Variants in CLU observed in about 807,000 individuals in gnomAD.
CLU encodes the protein clusterin.
Under a neutral mutation model 46.4 loss-of-function variants are expected in CLU, and 25 were observed. The observed-to-expected ratio is 0.54, with a 90% CI of 0.39 to 0.75. The LOEUF (loss-of-function observed/expected upper bound fraction) is 0.75. Ranked by LOEUF, CLU falls within the 30% of genes least tolerant of loss-of-function variation. CLU has a pLI of 0.00. For synonymous variants in CLU, 235 were observed against 235.1 expected (o/e 1.00, Z 0.00); for missense variants, 504 against 592.1 (o/e 0.85, Z 1.54).
chr8:27,613,384 T>C (rs1232029434), intron 1 of CLU, among the ~76,000 whole-genome samples: 2 of 90,096 alleles, frequency 2.2e-5, no homozygotes, highest in African/African-American at 1.4e-4. Context: ...AGACTTGGTC[T>C]CAGGAAAAAA....
chr8:27,598,409 C>G, intron 8 of CLU, 51 bp downstream of exon 8: 1 of 1,612,060 alleles, frequency 6.2e-7, no homozygotes, highest in Non-Finnish European at 8.5e-7. Context: ...TTTGTGGCTC[C>G]CAGAGACTCA....
At chr8:27,598,785 C>T (rs1800663637) in intron 7 of CLU, 150 bp from the exon 8 acceptor site, 3 of 734,320 alleles carry the variant, frequency 4.1e-6, no homozygotes, top group South Asian at 1.6e-5. Context: ...TACATCTAGA[C>T]GTAAGTACAG....
intron 1 of CLU, among the ~76,000 whole-genome samples, chr8:27,612,339 A>G (rs751604675): frequency 2.6e-5 from 4 of 152,162 alleles, no homozygotes; most frequent in East Asian, 1.9e-4. Context: ...CAGTTTCTTC[A>G]TCTGTAAAAT....
In CLU at chr8:27,614,655, C is replaced by A; in HGVS notation, c.-30G>T. ...GGTAGGGAAGACGGGGACATCTCAC[C>A]GGTCAGCGGCACCCTGTGCCCGCGC... On this transcript the variant is annotated splice_region_variant and 5_prime_UTR_variant, in exon 1 of 9. Coordinates refer to ENST00000316403, the MANE Select transcript of CLU (RefSeq NM_001831.4). The A allele has an allele frequency of 1.9e-6, 1 of 528,528 alleles. No homozygotes were observed. Among genetic ancestry groups the A allele is most frequent in the South Asian group, 1.4e-5 (1 of 71,324 alleles). 32.7% of individuals were successfully genotyped at this position (528,528 alleles called of 1,614,324 possible). A position where few individuals can be genotyped will look rare whatever the true frequency, so the allele number is the denominator to read the frequency against.
At position 27,599,974 on chromosome 8, in the gene CLU, G is replaced by T. The variant is rs148094370; in HGVS notation, c.970C>A (p.Arg324=). The T allele has an allele frequency of 6.2e-7, 1 of 1,614,178 alleles. No homozygotes were observed. The highest frequency in any genetic ancestry group is 8.5e-7 in the Non-Finnish European group (1 of 1,180,004). The stretch of plus-strand genomic sequence containing the variant: ...TGGAGGGATTCGTCGAGCTCCCGCC[G>T]CAGCTTAGCCTGGGAGGGGTTGTTG... ...STNNPSQAKL[R]RELDESLQVA... The change falls in exon 7 of 9, where the codon CGG becomes AGG. Residue 324 remains arginine (R), a synonymous_variant. Coordinates refer to ENST00000316403, the MANE Select transcript of CLU (RefSeq NM_001831.4). The surrounding 1 kb of genome is among the most constrained non-coding windows in gnomAD (Gnocchi z 4.0).
Position 27,610,053 on chromosome 8 carries a change from G to A in CLU, c.97+422C>T, listed in dbSNP as rs1324185775. 2.0e-5 allele frequency among the ~76,000 whole-genome samples: 3 copies of A among 152,238 alleles called. No individual in the cohort carries two copies. In the East Asian group the frequency reaches 5.8e-4, roughly 29 times the overall value. On this transcript the variant is annotated intron_variant, in intron 2 of 8. Transcript: ENST00000316403. Reference sequence around the variant, plus strand: ...AGAGGTGAAACAGACTCACACCCATGTCTGATCTGGGTTTTTAACAATGAT... The same window carrying A: ...AGAGGTGAAACAGACTCACACCCATATCTGATCTGGGTTTTTAACAATGAT...
At position 27,606,340 on chromosome 8, in the gene CLU, T is replaced by G; in HGVS notation, c.417+14A>C. ...CCACTCAGAGCCTTGGCCACTCATG[T>G]GTCCCCTTTTCACCTGGCGGCCAAC... On this transcript the variant is annotated intron_variant, in intron 4 of 8. Coordinates refer to ENST00000316403, the MANE Select transcript of CLU (RefSeq NM_001831.4). The G allele has an allele frequency of 6.2e-7, 1 of 1,613,666 alleles. No homozygotes were observed. The highest frequency in any genetic ancestry group is 8.5e-7 in the Non-Finnish European group (1 of 1,179,958).
At chr8:27,603,299 G>A (rs1056233549) in intron 6 of CLU, among the ~76,000 whole-genome samples, 1 of 152,208 alleles carries the variant, frequency 6.6e-6, no homozygotes, top group Non-Finnish European at 1.5e-5. Context: ...CTCATCTACA[G>A]CAACTTATAC....
intron 1 of CLU, chr8:27,614,409 C>T (rs2128911038): frequency 3.5e-6 from 1 of 289,324 alleles, no homozygotes; most frequent in South Asian, 2.9e-5. Flanking sequence ...TTCTATTTAC[C>T]CCCCCACCAC....
intron 6 of CLU, 161 bp downstream of exon 6, chr8:27,604,130 A>G (rs745786940): frequency 4.5e-6 from 3 of 660,992 alleles, no homozygotes; most frequent in South Asian, 1.6e-5. Context: ...CCGAAGCTGC[A>G]TGAGGCTCAG....
chr8:27,609,638 T>C (rs147912636), intron 2 of CLU, among the ~76,000 whole-genome samples: 1 of 152,278 alleles, frequency 6.6e-6, no homozygotes, highest in Non-Finnish European at 1.5e-5. Context: ...TGCCAAGCAC[T>C]GCGCCAAACA....
chr8:27,605,171 C>T lies in CLU; in HGVS notation c.582G>A (p.Arg194=). Residue 194 remains arginine (R), a synonymous_variant, in exon 5 of 9, where the codon AGG becomes AGA. Transcript: ENST00000316403. ...TATCCTGGGGCTCCCGGGTGAAGAACCTGTCCTGGAAGAGCTCGTCTATGA... is the reference window on the plus strand; with the variant it reads ...TATCCTGGGGCTCCCGGGTGAAGAATCTGTCCTGGAAGAGCTCGTCTATGA... The part of the protein sequence containing the change: ...SSIIDELFQD[R]FFTREPQDTY... 5 of 1,614,198 alleles carry T rather than the reference C, an allele frequency of 3.1e-6. No individual in the cohort carries two copies. Among genetic ancestry groups the T allele is most frequent in the Non-Finnish European group, 4.2e-6 (5 of 1,180,046 alleles).
rs201623294 is a variant in CLU, at chr8:27,606,351, C to T, written c.417+3G>A. On this transcript the variant is annotated splice_donor_region_variant and intron_variant, in intron 4 of 8. Transcript: ENST00000316403. ...CTTGGCCACTCATGTGTCCCCTTTT[C>T]ACCTGGCGGCCAACCAGGCCTGAGC... is the stretch of plus-strand genomic sequence containing the variant. 3.7e-6 allele frequency: 6 copies of T among 1,613,832 alleles called. No homozygotes were observed. The South Asian group carries it at 4.4e-5, about 12-fold the overall frequency.
In CLU at chr8:27,598,582, G is replaced by A. The variant is rs755605617; in HGVS notation, c.1218C>T (p.Val406=). ...SDVPSGVTEV[V]VKLFDSDPIT... is the part of the protein sequence containing the mutation. The stretch of plus-strand genomic sequence containing the variant: ...TGGGATCAGAGTCAAAGAGCTTCAC[G>A]ACCACCTCAGTGACACCGGAAGGAA... The change falls in exon 8 of 9, where the codon GTC becomes GTT. Residue 406 remains valine, a synonymous_variant. Transcript: ENST00000316403. The A allele has an allele frequency of 2.2e-5, 36 of 1,614,022 alleles. No individual in the cohort carries two copies. The highest frequency in any genetic ancestry group is 8.0e-5 in the African/African-American group (6 of 74,912).
chr8:27,597,364 TTCAGAC>T lies in CLU; in HGVS notation c.*871_*876del, dbSNP rs1800620021. On this transcript the variant is annotated 3_prime_UTR_variant, in exon 9 of 9. Coordinates refer to ENST00000316403, the MANE Select transcript of CLU (RefSeq NM_001831.4). Reference sequence around the variant, plus strand: ...GTAGGGTACTGCAGCCCAGCTATGGTTCAGACTAAAAGCCGAGAAACGCCTGTGGTC... The same window carrying T: ...GTAGGGTACTGCAGCCCAGCTATGGTTAAAAGCCGAGAAACGCCTGTGGTC... 1 of 454,320 alleles carries T rather than the reference TTCAGAC, an allele frequency of 2.2e-6. No homozygotes were observed. Among genetic ancestry groups the T allele is most frequent in the Admixed American group, 2.4e-5 (1 of 42,532 alleles). 28.1% of individuals were successfully genotyped at this position (454,320 alleles called of 1,614,324 possible).
chr8:27,604,887 G>A (rs751734385), intron 5 of CLU, 37 bp downstream of exon 5: 2 of 1,612,610 alleles, frequency 1.2e-6, no homozygotes, highest in South Asian at 1.1e-5. Context: ...CATCTAACGA[G>A]TTGCTCAAAA....
At position 27,599,740 on chromosome 8, in the gene CLU, G is replaced by C. The variant is rs376491107; in HGVS notation, c.1164+40C>G. The C allele has an allele frequency of 1.4e-6, 2 of 1,464,652 alleles. No individual in the cohort carries two copies. The highest frequency in any genetic ancestry group is 1.2e-5 in the South Asian group (1 of 84,676). The allele number at this position is 1,464,652 out of a possible 1,614,324, so 90.7% of individuals were successfully genotyped here. ...ATGCCCCTGCTCCCGATCACAGCTC[G>C]GGCTCCCGAGCCACAGCATGTGGCC... On this transcript the variant is annotated intron_variant, in intron 7 of 8. Transcript: ENST00000316403. The surrounding 1 kb of genome is among the most constrained non-coding windows in gnomAD (Gnocchi z 4.0).
At chr8:27,609,168 AG>A in intron 2 of CLU, 82 bp from the exon 3 acceptor site, 1 of 1,479,782 alleles carries the variant, frequency 6.8e-7, no homozygotes, top group South Asian at 1.1e-5. Flanking sequence ...ATGGCCAGAA[AG>A]GCCCGTTCAG....
chr8:27,607,667 T>G (rs1349841130), intron 3 of CLU, among the ~76,000 whole-genome samples: 1 of 152,122 alleles, frequency 6.6e-6, no homozygotes, highest in Non-Finnish European at 1.5e-5. Flanking sequence ...TGACTTGTCC[T>G]TGGGCAAAAG....
Sources: allele counts gnomAD v4.1 joint callset (sites outside exome capture counted in the v4.1 genomes callset), GRCh38; gene constraint gnomAD v4.1.1; non-coding constraint Gnocchi (gnomAD v3.1); transcripts MANE v1.5; gene names NCBI Gene and HGNC (gene_info 2026-07-23, HGNC 2026-07-21).